The following THSD7B variants were observed in gnomAD, a reference collection of about 807,000 sequenced individuals.
The protein encoded by THSD7B is thrombospondin type 1 domain containing 7B, also known as thrombospondin type-1 domain-containing protein 7B.
A neutral mutation model predicts 213.6 loss-of-function variants in THSD7B; 138 were observed. That is an observed-to-expected ratio of 0.65 (90% CI 0.56 to 0.74). The LOEUF (loss-of-function observed/expected upper bound fraction) is 0.74. THSD7B is among the 30% of genes least tolerant of loss of function. THSD7B has a pLI of 0.00. For missense variants in THSD7B, 1,931 were observed against 1,991.5 expected (o/e 0.97, Z 0.58); for synonymous variants, 742 against 687.0 (o/e 1.08, Z -1.25).
At chr2:137,617,270 G>T (rs1289145217) in intron 18 of THSD7B, among the ~76,000 whole-genome samples, 1 of 152,104 alleles carries the variant, frequency 6.6e-6, no homozygotes, top group Admixed American at 6.5e-5. Context: ...CTATACATGG[G>T]TTTGCTATTC....
chr2:136,787,529 T>A (rs1276688628), intron 1 of THSD7B, among the ~76,000 whole-genome samples: 1 of 152,190 alleles, frequency 6.6e-6, no homozygotes, highest in African/African-American at 2.4e-5. Flanking sequence ...GTGCCTACAA[T>A]GTAAGTTTAC....
intron 15 of THSD7B, among the ~76,000 whole-genome samples, chr2:137,558,876 C>T (rs927424900): frequency 2.9e-4 from 44 of 152,308 alleles, no homozygotes; most frequent in African/African-American, 9.9e-4. Context: ...TCTCAGGATA[C>T]AAAATCAGTG....
At chr2:137,669,452 A>G (rs1683517761) in intron 27 of THSD7B, among the ~76,000 whole-genome samples, 1 of 151,526 alleles carries the variant, frequency 6.6e-6, no homozygotes, top group South Asian at 2.1e-4. Context: ...TTTTTTACTG[A>G]TTTTCTTTAT....
intron 12 of THSD7B, among the ~76,000 whole-genome samples, chr2:137,386,488 G>T (rs1407146664): frequency 6.6e-6 from 1 of 152,126 alleles, no homozygotes; most frequent in Non-Finnish European, 1.5e-5. Context: ...AATTTTTCAA[G>T]AAAGTCACCC....
At chr2:136,873,755 C>T (rs190972851) in intron 1 of THSD7B, among the ~76,000 whole-genome samples, 1 of 152,272 alleles carries the variant, frequency 6.6e-6, no homozygotes. Flanking sequence ...GTCAGGCACT[C>T]ATCTATACAC....
At chr2:137,448,856 G>C (rs935569747) in intron 14 of THSD7B, among the ~76,000 whole-genome samples, 2 of 151,338 alleles carry the variant, frequency 1.3e-5, no homozygotes, top group Admixed American at 1.3e-4. Context: ...CCTTTCCTGG[G>C]TCCCATCCTC....
intron 27 of THSD7B, among the ~76,000 whole-genome samples, chr2:137,671,431 G>T (rs1312627487): frequency 6.6e-6 from 1 of 152,010 alleles, no homozygotes; most frequent in Non-Finnish European, 1.5e-5. Context: ...GCCAAGACTG[G>T]GTAATTTATA....
At chr2:136,904,933 C>G (rs1684133215) in intron 2 of THSD7B, among the ~76,000 whole-genome samples, 1 of 152,212 alleles carries the variant, frequency 6.6e-6, no homozygotes, top group Non-Finnish European at 1.5e-5. Context: ...CAGACTCATA[C>G]AATGTTGGAG....
intron 7 of THSD7B, among the ~76,000 whole-genome samples, chr2:137,197,216 C>T (rs887982353): frequency 2.6e-5 from 4 of 152,012 alleles, no homozygotes; most frequent in South Asian, 2.1e-4. Context: ...TAAAAAGGTC[C>T]GGAAATTAGG....
intron 17 of THSD7B, among the ~76,000 whole-genome samples, chr2:137,600,920 A>G (rs1314280513): frequency 6.6e-6 from 1 of 152,082 alleles, no homozygotes. Context: ...GATGATCCGG[A>G]CCCTGTGTGG....
intron 2 of THSD7B, among the ~76,000 whole-genome samples, chr2:137,002,152 T>G (rs1432238): frequency 0.59 from 89,257 of 151,926 alleles, 28,722 homozygotes; most frequent in East Asian, 0.94. Context: ...ATTCATCTTT[T>G]ACAGTTTGTC....
chr2:136,841,459 T>A (rs1682918454), intron 1 of THSD7B, among the ~76,000 whole-genome samples: 1 of 151,338 alleles, frequency 6.6e-6, no homozygotes, highest in Non-Finnish European at 1.5e-5. Context: ...TAGCTGGACA[T>A]GGTGGTGTGC....
intron 2 of THSD7B, among the ~76,000 whole-genome samples, chr2:136,952,368 T>C (rs1685051103): frequency 6.6e-6 from 1 of 152,014 alleles, no homozygotes; most frequent in Non-Finnish European, 1.5e-5. Context: ...TAATGTACTA[T>C]AGATTGCATT....
intron 17 of THSD7B, among the ~76,000 whole-genome samples, chr2:137,575,766 T>C (rs1482821852): frequency 6.8e-6 from 1 of 148,110 alleles, no homozygotes; most frequent in African/African-American, 2.4e-5. Flanking sequence ...ATGCTTACTT[T>C]TCTAGAATGC....
At chr2:136,914,562 T>A (rs1684320542) in intron 2 of THSD7B, among the ~76,000 whole-genome samples, 1 of 152,176 alleles carries the variant, frequency 6.6e-6, no homozygotes, top group African/African-American at 2.4e-5. Flanking sequence ...GGGAGGTAAT[T>A]GAATCATGGG....
intron 12 of THSD7B, among the ~76,000 whole-genome samples, chr2:137,310,131 A>C (rs1177863892): frequency 1.3e-5 from 2 of 152,030 alleles, no homozygotes; most frequent in East Asian, 1.9e-4. Flanking sequence ...CAACAGTGTA[A>C]TAGTGTTCCT....
At chr2:137,290,306 GTCTCGA>G (rs1298688430) in intron 12 of THSD7B, among the ~76,000 whole-genome samples, 1 of 151,976 alleles carries the variant, frequency 6.6e-6, no homozygotes, top group African/African-American at 2.4e-5. Flanking sequence ...AGCCAGGATG[GTCTCGA>G]TCTCCTGACC....
intron 12 of THSD7B, among the ~76,000 whole-genome samples, chr2:137,294,057 C>G (rs1357807946): frequency 6.6e-6 from 1 of 152,120 alleles, no homozygotes; most frequent in East Asian, 1.9e-4. Flanking sequence ...TGACCAAAGT[C>G]TTCACAGGGC....
chr2:137,283,275 A>G, intron 12 of THSD7B, among the ~76,000 whole-genome samples: 1 of 152,170 alleles, frequency 6.6e-6, no homozygotes, highest in East Asian at 1.9e-4. Flanking sequence ...AGACTGCTGA[A>G]GTTGCTTATC....
Sources: allele counts gnomAD v4.1 joint callset (sites outside exome capture counted in the v4.1 genomes callset), GRCh38; gene constraint gnomAD v4.1.1; transcripts MANE v1.5; gene names NCBI Gene and HGNC (gene_info 2026-07-23, HGNC 2026-07-21).